ATP11A: variants seen among roughly 807,000 people sequenced by gnomAD.
ATP11A encodes the protein phospholipid-transporting ATPase IH.
Under a neutral mutation model 154.4 loss-of-function variants are expected in ATP11A, and 81 were observed. That is an observed-to-expected ratio of 0.52 (90% CI 0.44 to 0.63). The LOEUF (loss-of-function observed/expected upper bound fraction) is 0.63. Among genes scored for constraint, ATP11A ranks in the 30% least tolerant of loss-of-function variants. ATP11A has a pLI of 0.00. For missense variants in ATP11A, 1,316 were observed against 1,474.3 expected (o/e 0.89, Z 1.76); for synonymous variants, 623 against 585.9 (o/e 1.06, Z -0.91).
Position 112,754,981 on chromosome 13 carries a change from G to A in ATP11A, c.40-30154G>A, listed in dbSNP as rs1432636570. On this transcript the variant is annotated intron_variant, in intron 1 of 29. Transcript: ENST00000375645. The surrounding 1 kb of genome is among the most constrained non-coding windows in gnomAD (Gnocchi z 5.3). ...GCAGAGCTCCTGCCGAGGGCTGGAT[G>A]GCGCGGACCTGGGCATCGTGGCCTC... Among the ~76,000 whole-genome samples, 2 of 152,252 alleles carry A rather than the reference G, an allele frequency of 1.3e-5. No individual in the cohort carries two copies. Among genetic ancestry groups the A allele is most frequent in the Admixed American group, 6.5e-5 (1 of 15,290 alleles).
Position 112,812,239 on chromosome 13 carries a change from C to G in ATP11A, c.441+1513C>G, listed in dbSNP as rs545826560. ...TGAGTGTGGTTTTTCACGTTTGTGTCAAGGTAGCGGTCAGCAGCCTGCTCC... is the reference window on the plus strand; with the variant it reads ...TGAGTGTGGTTTTTCACGTTTGTGTGAAGGTAGCGGTCAGCAGCCTGCTCC... On this transcript the variant is annotated intron_variant, in intron 5 of 29. Coordinates refer to ENST00000375645, the MANE Select transcript of ATP11A (RefSeq NM_015205.3). The G allele has an allele frequency of 4.6e-5, 7 of 152,314 alleles. No homozygotes were observed. In the East Asian group the frequency reaches 1.4e-3, roughly 29 times the overall value. 9.4% of individuals were successfully genotyped at this position (152,314 alleles called of 1,614,324 possible).
chr13:112,796,107 T>G (rs1566494287), intron 2 of ATP11A, among the ~76,000 whole-genome samples: 1 of 152,254 alleles, frequency 6.6e-6, no homozygotes, highest in African/African-American at 2.4e-5. Flanking sequence ...CTGGTGTTTT[T>G]GTTTGCTTTT....
chr13:112,731,303 G>T lies in ATP11A; in HGVS notation c.39+40848G>T, dbSNP rs183767459. Among the ~76,000 whole-genome samples the T allele has an allele frequency of 2.6e-5, 4 of 152,232 alleles. No individual in the cohort carries two copies. The East Asian group carries it at 7.7e-4, about 29-fold the overall frequency. On this transcript the variant is annotated intron_variant, in intron 1 of 29. Coordinates refer to ENST00000375645, the MANE Select transcript of ATP11A (RefSeq NM_015205.3). ...GTCTTTCTTAGATAAAACAGGAAGG[G>T]TTAGCTTTATTACTAAAGAAAACAG...
chr13:112,782,337 C>G (rs371333618), intron 1 of ATP11A, among the ~76,000 whole-genome samples: 10 of 152,090 alleles, frequency 6.6e-5, no homozygotes, highest in African/African-American at 2.4e-4. Context: ...TGTCTGGGCT[C>G]GTGGCCACTC....
At chr13:112,789,487 G>C (rs538270623) in intron 2 of ATP11A, among the ~76,000 whole-genome samples, 1 of 149,554 alleles carries the variant, frequency 6.7e-6, no homozygotes, top group African/African-American at 2.5e-5. Context: ...ATTCACACCA[G>C]TGTCCTGATG....
intron 26 of ATP11A, among the ~76,000 whole-genome samples, chr13:112,873,217 G>GTGGTGTGAGGTGTGGCTTTGTCTCCTTAA (rs1566601506): frequency 2.8e-5 from 3 of 107,900 alleles, no homozygotes; most frequent in Non-Finnish European, 4.2e-5. Flanking sequence ...GTCTTCCTGA[G>GTGGTGTGAGGTGTGGCTTTGTCTCCTTAA]TGGTGTGAGG....
chr13:112,768,257 C>G (rs2077143819), intron 1 of ATP11A, among the ~76,000 whole-genome samples: 1 of 152,288 alleles, frequency 6.6e-6, no homozygotes, highest in Non-Finnish European at 1.5e-5. Flanking sequence ...GCCTCCACCT[C>G]TACCAGCAGC....
chr13:112,781,561 C>T lies in ATP11A; in HGVS notation c.40-3574C>T, dbSNP rs193009358. ...CATTTGACGGACGCGTGGTGTGAGG[C>T]AGCCGCAGCCACAGAGCCAGTGAGC... On this transcript the variant is annotated intron_variant, in intron 1 of 29. Coordinates refer to ENST00000375645, the MANE Select transcript of ATP11A (RefSeq NM_015205.3). Among the ~76,000 whole-genome samples the T allele has an allele frequency of 3.7e-3, 569 of 152,254 alleles. 3 individuals carry two copies. The highest frequency in any genetic ancestry group is 0.013 in the African/African-American group (538 of 41,558).
chr13:112,861,550 C>T (rs2080103508), intron 24 of ATP11A, among the ~76,000 whole-genome samples: 1 of 152,248 alleles, frequency 6.6e-6, no homozygotes, highest in Admixed American at 6.5e-5. Flanking sequence ...AGTCTTCTCA[C>T]ATGCGTGTTT....
At chr13:112,870,051 C>G (rs2080463831) in intron 25 of ATP11A, among the ~76,000 whole-genome samples, 3 of 152,290 alleles carry the variant, frequency 2.0e-5, no homozygotes, top group South Asian at 2.1e-4. Flanking sequence ...GGGGGCAAGG[C>G]TGCCCCAGCC....
intron 1 of ATP11A, among the ~76,000 whole-genome samples, chr13:112,698,982 C>T (rs1254330056): frequency 6.6e-6 from 1 of 152,186 alleles, no homozygotes; most frequent in African/African-American, 2.4e-5. Context: ...TCTGCCTCGG[C>T]CTCCCAAAGT....
intron 17 of ATP11A, among the ~76,000 whole-genome samples, chr13:112,844,465 C>G (rs1364087223): frequency 6.6e-6 from 1 of 152,208 alleles, no homozygotes; most frequent in Non-Finnish European, 1.5e-5. Flanking sequence ...ACCCTAGAGA[C>G]TGTCTCGCGC....
At chr13:112,817,570 C>G (rs183492442) in intron 6 of ATP11A, among the ~76,000 whole-genome samples, 8 of 152,340 alleles carry the variant, frequency 5.3e-5, no homozygotes, top group Non-Finnish European at 7.3e-5. Flanking sequence ...CCCAGAGACC[C>G]TGTGAGCCCT....
At chr13:112,710,818 G>T (rs999616348) in intron 1 of ATP11A, among the ~76,000 whole-genome samples, 2 of 152,208 alleles carry the variant, frequency 1.3e-5, no homozygotes, top group African/African-American at 4.8e-5. Flanking sequence ...GCTCTGGTTG[G>T]TCTTCACCTG....
intron 14 of ATP11A, among the ~76,000 whole-genome samples, chr13:112,834,039 C>G (rs901185191): frequency 1.3e-5 from 2 of 152,360 alleles, no homozygotes; most frequent in African/African-American, 2.4e-5. Context: ...TCTCTGCCGT[C>G]CCAGTGGCTC....
At chr13:112,720,017 C>T (rs1030797528) in intron 1 of ATP11A, among the ~76,000 whole-genome samples, 1 of 152,208 alleles carries the variant, frequency 6.6e-6, no homozygotes, top group Non-Finnish European at 1.5e-5. Flanking sequence ...ATGAAAACAT[C>T]TCAAGTCTGT....
At chr13:112,698,341 TC>T (rs1342724233) in intron 1 of ATP11A, among the ~76,000 whole-genome samples, 1 of 152,212 alleles carries the variant, frequency 6.6e-6, no homozygotes, top group Non-Finnish European at 1.5e-5. Flanking sequence ...CACAGGCTTT[TC>T]TGGTTTGGTT....
chr13:112,806,401 C>G, intron 4 of ATP11A, 108 bp downstream of exon 4: 2 of 796,820 alleles, frequency 2.5e-6, no homozygotes, highest in South Asian at 3.5e-5. Context: ...ACAGAAAATT[C>G]AACCAAGTTC....
rs185982922 is a variant in ATP11A, at chr13:112,796,459, C to T, written c.163-8498C>T. On this transcript the variant is annotated intron_variant, in intron 2 of 29. Transcript: ENST00000375645. ...GAAGAGGGAGGCAGAACAGACTGTC[C>T]GAGCTACGACTGGCTTCAGAGGTTG... Among the ~76,000 whole-genome samples, 574 of 152,252 alleles carry T rather than the reference C, an allele frequency of 3.8e-3. 3 individuals are homozygous for T. The highest frequency in any genetic ancestry group is 0.013 in the African/African-American group (540 of 41,552).
Sources: allele counts gnomAD v4.1 joint callset (sites outside exome capture counted in the v4.1 genomes callset), GRCh38; gene constraint gnomAD v4.1.1; non-coding constraint Gnocchi (gnomAD v3.1); transcripts MANE v1.5; gene names NCBI Gene and HGNC (gene_info 2026-07-23, HGNC 2026-07-21).